Variants in TRAF3 observed in about 807,000 individuals in gnomAD.
The protein encoded by TRAF3 is TNF receptor-associated factor 3.
A neutral mutation model predicts 62.3 loss-of-function variants in TRAF3; 13 were observed. The observed-to-expected ratio is 0.21, with a 90% confidence interval of 0.14 to 0.33. The LOEUF (loss-of-function observed/expected upper bound fraction) is 0.33, where lower values mean the gene tolerates loss of function less well. Among genes scored for constraint, TRAF3 ranks in the 10% least tolerant of loss-of-function variants. The pLI is 1.00. For synonymous variants in TRAF3, 269 were observed against 283.4 expected, an observed-to-expected ratio of 0.95 and a Z score of 0.51; for missense variants, 440 against 741.8, an observed-to-expected ratio of 0.59 and a Z score of 4.73.
intron 2 of TRAF3, among the ~76,000 whole-genome samples, chr14:102,869,377 A>G (rs1888195389): frequency 1.3e-5 from 2 of 152,218 alleles, no homozygotes; most frequent in Non-Finnish European, 2.9e-5. Flanking sequence ...AGCGGAAGTC[A>G]ATGAGGAAGG....
intron 2 of TRAF3, among the ~76,000 whole-genome samples, chr14:102,843,536 CTG>C (rs1886508136): frequency 6.6e-6 from 1 of 152,138 alleles, no homozygotes; most frequent in Non-Finnish European, 1.5e-5. Flanking sequence ...CGGAGTCTCA[CTG>C]TGTTCTCCAG....
intron 5 of TRAF3, 118 bp downstream of exon 5, chr14:102,875,846 C>A: frequency 1.2e-6 from 1 of 856,634 alleles, no homozygotes; most frequent in Non-Finnish European, 1.9e-6. Context: ...ATTAGTTTTT[C>A]AAAACACAGC....
chr14:102,830,310 T>A (rs1458286825), intron 1 of TRAF3, 24 bp from the exon 2 acceptor site: 1 of 152,418 alleles, frequency 6.6e-6, no homozygotes. Flanking sequence ...AATCTTTGTC[T>A]AATCCAATCC....
chr14:102,901,671 CCTTA>C (rs1890309006), intron 10 of TRAF3, among the ~76,000 whole-genome samples: 1 of 152,164 alleles, frequency 6.6e-6, no homozygotes, highest in Non-Finnish European at 1.5e-5. Flanking sequence ...GAGAAATTAT[CCTTA>C]CTTTTTAGAG....
rs887580093 is a variant in TRAF3 at position 102,820,244 on chromosome 14, C to T, written c.-156-10090C>T. 4.6e-5 allele frequency among the ~76,000 whole-genome samples: 7 copies of T among 152,132 alleles called. No individual in the cohort carries two copies. In the East Asian group the frequency reaches 5.8e-4, roughly 13 times the overall value. On this transcript the variant is annotated intron_variant, in intron 1 of 11. Coordinates refer to ENST00000392745, the MANE Select transcript of TRAF3 (RefSeq NM_145725.3). ...TCCCTCTCAGAGTGTAGGAGGTAAC[C>T]GTTCTGGATCGCCTGGATCCTGCCC...
intron 1 of TRAF3, among the ~76,000 whole-genome samples, chr14:102,778,279 G>A (rs986852963): frequency 3.3e-5 from 5 of 151,764 alleles, no homozygotes; most frequent in Non-Finnish European, 4.4e-5. Context: ...GCTCCTGGCC[G>A]CGGGCTCTGC....
At position 102,903,406 on chromosome 14, in the gene TRAF3, C is replaced by T. The variant is rs144719184; in HGVS notation, c.1112C>T (p.Ala371Val). 1.5e-5 allele frequency: 24 copies of T among 1,614,028 alleles called. No homozygotes were observed. The highest frequency in any genetic ancestry group is 6.7e-5 in the African/African-American group (5 of 75,010). The change falls in exon 11 of 12, where the codon GCG becomes GTG. Residue 371 changes from alanine (A) to valine (V), a missense_variant. Ala to Val is a moderately conservative substitution (Grantham distance 64). This residue lies in a region of TRAF3 where 41 missense variants were observed against 40.0 expected (regional missense o/e 1.03). Coordinates refer to ENST00000392745, the MANE Select transcript of TRAF3 (RefSeq NM_145725.3). The surrounding 1 kb of genome is among the most constrained non-coding windows in gnomAD (Gnocchi z 6.4). ...GAGCTGGAGAGCGTGGACAAGAGCG[C>T]GGGGCAAGTGGCTCGGAACACAGGT... is the stretch of plus-strand genomic sequence containing the variant. ...VTELESVDKS[A>V]GQVARNTGLL... is the part of the protein sequence containing the mutation.
chr14:102,797,883 T>G (rs1898186716), intron 1 of TRAF3, among the ~76,000 whole-genome samples: 1 of 151,960 alleles, frequency 6.6e-6, no homozygotes, highest in Non-Finnish European at 1.5e-5. Context: ...GATTACAGGT[T>G]TGCACCACCA....
At chr14:102,832,284 C>T (rs1390104214) in intron 2 of TRAF3, among the ~76,000 whole-genome samples, 3 of 152,046 alleles carry the variant, frequency 2.0e-5, no homozygotes, top group Non-Finnish European at 2.9e-5. Flanking sequence ...TCAGAAAAGA[C>T]GTCTACTTTC....
chr14:102,861,533 A>C (rs895104273), intron 2 of TRAF3, among the ~76,000 whole-genome samples: 2 of 152,128 alleles, frequency 1.3e-5, no homozygotes, highest in African/African-American at 2.4e-5. Context: ...AGGTAACTGC[A>C]TCCCACTTAC....
At chr14:102,783,288 T>A (rs998713755) in intron 1 of TRAF3, among the ~76,000 whole-genome samples, 2 of 152,212 alleles carry the variant, frequency 1.3e-5, no homozygotes, top group Non-Finnish European at 2.9e-5. Flanking sequence ...GTTCTGATAA[T>A]GCTTAGCTCC....
intron 2 of TRAF3, among the ~76,000 whole-genome samples, chr14:102,864,981 T>C (rs1887898244): frequency 6.6e-6 from 1 of 152,258 alleles, no homozygotes; most frequent in Non-Finnish European, 1.5e-5. Context: ...TCTAAAACTC[T>C]CCTTTGCTCA....
At chr14:102,869,073 C>G (rs988283075) in intron 2 of TRAF3, among the ~76,000 whole-genome samples, 2 of 152,248 alleles carry the variant, frequency 1.3e-5, no homozygotes, top group African/African-American at 4.8e-5. Context: ...TGGCACCTAC[C>G]TGAACCCGAG....
chr14:102,798,387 C>T (rs1210288534), intron 1 of TRAF3, among the ~76,000 whole-genome samples: 1 of 152,096 alleles, frequency 6.6e-6, no homozygotes, highest in Non-Finnish European at 1.5e-5. Flanking sequence ...CACCTGCAAT[C>T]CCAGCACTTT....
chr14:102,790,526 A>G (rs532452395), intron 1 of TRAF3, among the ~76,000 whole-genome samples: 4 of 152,208 alleles, frequency 2.6e-5, no homozygotes, highest in Non-Finnish European at 5.9e-5. Context: ...GGTGAAAGGC[A>G]AAGAAGGAGG....
rs1377101551 is a variant in TRAF3, at chr14:102,905,863, C to T, written c.*79C>T. On this transcript the variant is annotated 3_prime_UTR_variant, in exon 12 of 12. Coordinates refer to ENST00000392745, the MANE Select transcript of TRAF3 (RefSeq NM_145725.3). Reference sequence around the variant, plus strand: ...ACCGGTCTGTCTTCACTGAGGTCCTCGCGCTCAGAAAAGGACCTTGTGAGA... The same window carrying T: ...ACCGGTCTGTCTTCACTGAGGTCCTTGCGCTCAGAAAAGGACCTTGTGAGA... 33 of 1,341,744 alleles carry T rather than the reference C, an allele frequency of 2.5e-5. No homozygotes were observed. The highest frequency in any genetic ancestry group is 3.0e-5 in the African/African-American group (2 of 67,748). 83.1% of individuals were successfully genotyped at this position (1,341,744 alleles called of 1,614,324 possible).
At chr14:102,799,278 G>C (rs1352942417) in intron 1 of TRAF3, among the ~76,000 whole-genome samples, 2 of 152,140 alleles carry the variant, frequency 1.3e-5, no homozygotes, top group Non-Finnish European at 2.9e-5. Flanking sequence ...TTGACACAGC[G>C]GGAGGAACCA....
chr14:102,803,065 A>T (rs1322715856), intron 1 of TRAF3, among the ~76,000 whole-genome samples: 1 of 152,148 alleles, frequency 6.6e-6, no homozygotes, highest in Non-Finnish European at 1.5e-5. Flanking sequence ...AGGATGGTGG[A>T]AACTGCCCCC....
At chr14:102,799,521 G>T (rs1420958905) in intron 1 of TRAF3, among the ~76,000 whole-genome samples, 1 of 152,136 alleles carries the variant, frequency 6.6e-6, no homozygotes, top group Non-Finnish European at 1.5e-5. Context: ...TGCGATCTCT[G>T]CTCGCTGCAA....
Sources: gnomAD v4.1 joint callset for allele counts (sites outside exome capture counted in the v4.1 genomes callset) on GRCh38, gnomAD v4.1.1 for gene constraint, gnomAD v4.1.1 regional missense constraint, Gnocchi (gnomAD v3.1) non-coding constraint, MANE v1.5 for transcripts, NCBI Gene and HGNC (gene_info 2026-07-23, HGNC 2026-07-21) for gene names.